Variants in DENND1A observed in about 807,000 individuals in gnomAD.
DENND1A encodes the protein DENN domain containing 1A, also known as DENN domain-containing protein 1A.
In DENND1A, 51 loss-of-function variants were observed where a neutral mutation model predicts 113.7. The ratio of observed to expected loss-of-function variants is 0.45; its 90% CI spans 0.36 to 0.57. The LOEUF is 0.57. Among genes scored for constraint, DENND1A ranks in the 20% least tolerant of loss-of-function variants. The pLI is 0.00. For synonymous variants in DENND1A, 565 were observed against 570.8 expected, an observed-to-expected ratio of 0.99 and a Z score of 0.14; for missense variants, 1,258 against 1,395.9, an observed-to-expected ratio of 0.90 and a Z score of 1.57.
intron 10 of DENND1A, among the ~76,000 whole-genome samples, chr9:123,621,250 A>AT (rs2060948245): frequency 6.7e-6 from 1 of 149,620 alleles, no homozygotes; most frequent in African/African-American, 2.5e-5. Context: ...CAGTGGCACG[A>AT]TCTTGGCTCA....
Position 123,703,925 on chromosome 9 carries a change from T to TTTTA in DENND1A, c.303-27137_303-27136insTAAA, listed in dbSNP as rs1304961411. On this transcript the variant is annotated intron_variant, in intron 5 of 23. Coordinates refer to ENST00000394215, the MANE Select transcript of DENND1A (RefSeq NM_001352964.2). ...TATACATTTGTCAAACTCATTAAAT[T>TTTTA]GTACACTTAAAATTGGTGAATTTTA... 3.3e-5 allele frequency among the ~76,000 whole-genome samples: 5 copies of TTTTA among 152,192 alleles called. No individual in the cohort carries two copies. The East Asian group carries it at 9.6e-4, about 29-fold the overall frequency.
chr9:123,740,896 A>AAGAGAGAG (rs1415256378), intron 5 of DENND1A, among the ~76,000 whole-genome samples: 3 of 33,960 alleles, frequency 8.8e-5, no homozygotes, highest in Admixed American at 3.0e-4. Context: ...GAGGAAGGGA[A>AAGAGAGAG]AGTGAGAGAG....
At chr9:123,864,581 C>T (rs1306763654) in intron 2 of DENND1A, among the ~76,000 whole-genome samples, 1 of 152,158 alleles carries the variant, frequency 6.6e-6, no homozygotes. Flanking sequence ...AGAGCGCCTT[C>T]CTTTAAACTT....
At chr9:123,611,316 T>C (rs2060409702) in intron 10 of DENND1A, among the ~76,000 whole-genome samples, 1 of 152,214 alleles carries the variant, frequency 6.6e-6, no homozygotes, top group African/African-American at 2.4e-5. Context: ...ACACAAATGC[T>C]CAAACTTCCC....
chr9:123,699,685 T>C (rs1309331330), intron 5 of DENND1A, among the ~76,000 whole-genome samples: 1 of 121,540 alleles, frequency 8.2e-6, no homozygotes, highest in African/African-American at 4.2e-5. Flanking sequence ...TCATTCTTTC[T>C]TTCTTTTTTT....
chr9:123,818,533 C>T (rs928546317), intron 2 of DENND1A, among the ~76,000 whole-genome samples: 2 of 130,170 alleles, frequency 1.5e-5, no homozygotes, highest in African/African-American at 5.5e-5. Context: ...CACACACACA[C>T]ACACACACAC....
At position 123,821,325 on chromosome 9, in the gene DENND1A, T is replaced by C. The variant is rs7023936; in HGVS notation, c.89-28695A>G. On this transcript the variant is annotated intron_variant, in intron 2 of 23. Transcript: ENST00000394215. ...GAAAATTATATATATATCTCTTACA[T>C]TTTTTATTTTCTAAATTTTCCAAAA... 7.4e-3 allele frequency among the ~76,000 whole-genome samples: 1,133 copies of C among 152,260 alleles called. 19 individuals are homozygous for C. The highest frequency in any genetic ancestry group is 0.026 in the African/African-American group (1,072 of 41,554).
intron 20 of DENND1A, among the ~76,000 whole-genome samples, chr9:123,409,513 C>G (rs1048792525): frequency 6.6e-6 from 1 of 151,012 alleles, no homozygotes; most frequent in African/African-American, 2.4e-5. Flanking sequence ...ATTCTGGTCC[C>G]AAGCAGAAGA....
chr9:123,607,537 AGAGAGAGAGAGT>A (rs2060221390), intron 11 of DENND1A, among the ~76,000 whole-genome samples: 1 of 127,062 alleles, frequency 7.9e-6, no homozygotes, highest in African/African-American at 3.0e-5. Context: ...AGAGAGAGAG[AGAGAGAGAGAGT>A]GTGTGTGTGT....
intron 1 of DENND1A, among the ~76,000 whole-genome samples, chr9:123,907,126 G>T (rs1452395083): frequency 1.3e-4 from 19 of 148,824 alleles, no homozygotes; most frequent in Admixed American, 1.1e-3. Context: ...TATCTCAATA[G>T]ATGCAGAAAA....
Position 123,465,201 on chromosome 9 carries a change from A to G in DENND1A, c.994-7304T>C, listed in dbSNP as rs374773653. Among the ~76,000 whole-genome samples, 3 of 151,284 alleles carry G rather than the reference A, an allele frequency of 2.0e-5. No homozygotes were observed. In the South Asian group the frequency reaches 6.3e-4, roughly 32 times the overall value. ...GTCTCAAAAAAAAGAAAAAAAAAAC[A>G]TTAAAAAGAAAAGCTCCTGTATCAA... On this transcript the variant is annotated intron_variant, in intron 13 of 23. Transcript: ENST00000394215.
In DENND1A at chr9:123,577,399, T is replaced by C. The variant is rs566010943; in HGVS notation, c.867+5770A>G. The stretch of plus-strand genomic sequence containing the variant: ...TAAATTCATGAACATATTTATAGTC[T>C]TCATAAAATCTACTTTAAAGTCTTT... On this transcript the variant is annotated intron_variant, in intron 12 of 23. Coordinates refer to ENST00000394215, the MANE Select transcript of DENND1A (RefSeq NM_001352964.2). Among the ~76,000 whole-genome samples the C allele has an allele frequency of 2.0e-5, 3 of 152,340 alleles. No homozygotes were observed. In the East Asian group the frequency reaches 5.8e-4, roughly 29 times the overall value.
chr9:123,741,237 A>G (rs2068994505), intron 5 of DENND1A, among the ~76,000 whole-genome samples: 1 of 152,236 alleles, frequency 6.6e-6, no homozygotes, highest in South Asian at 2.1e-4. Context: ...GTTAAAAACA[A>G]TTTCAACGGC....
intron 5 of DENND1A, among the ~76,000 whole-genome samples, chr9:123,740,899 TGAGAGAGAGAGA>T (rs56006420): frequency 0.02 from 2,225 of 108,924 alleles, 39 homozygotes; most frequent in Non-Finnish European, 0.024. Context: ...GAAGGGAAAG[TGAGAGAGAGAGA>T]GAGAGAGAGA....
intron 21 of DENND1A, among the ~76,000 whole-genome samples, chr9:123,398,535 C>T (rs948796698): frequency 1.3e-5 from 2 of 151,726 alleles, no homozygotes; most frequent in Non-Finnish European, 2.9e-5. Context: ...CCACCATGCC[C>T]GGCTAATTTT....
chr9:123,445,056 A>T (rs937219411), intron 18 of DENND1A, among the ~76,000 whole-genome samples: 7 of 152,100 alleles, frequency 4.6e-5, no homozygotes, highest in Non-Finnish European at 4.4e-5. Flanking sequence ...TTGTATTCCT[A>T]TTATTTTCCT....
intron 3 of DENND1A, among the ~76,000 whole-genome samples, chr9:123,783,087 G>A (rs1831569489): frequency 6.6e-6 from 1 of 152,202 alleles, no homozygotes; most frequent in Admixed American, 6.5e-5. Flanking sequence ...TACAAGGACA[G>A]TGGTCCCATT....
chr9:123,814,070 C>G (rs1013144243), intron 2 of DENND1A, among the ~76,000 whole-genome samples: 1 of 152,076 alleles, frequency 6.6e-6, no homozygotes, highest in African/African-American at 2.4e-5. Context: ...TTACATTTAC[C>G]ATAATTTACA....
intron 2 of DENND1A, among the ~76,000 whole-genome samples, chr9:123,826,322 G>C (rs2132687681): frequency 6.6e-6 from 1 of 152,244 alleles, no homozygotes; most frequent in South Asian, 2.1e-4. Flanking sequence ...ATGATTGCTT[G>C]AGCCTGGGAG....
Sources: allele counts gnomAD v4.1 joint callset (sites outside exome capture counted in the v4.1 genomes callset), GRCh38; gene constraint gnomAD v4.1.1; transcripts MANE v1.5; gene names NCBI Gene and HGNC (gene_info 2026-07-23, HGNC 2026-07-21).